The following ARHGAP18 variants were observed in gnomAD, a reference collection of about 807,000 sequenced individuals.
ARHGAP18 encodes Rho GTPase activating protein 18.
Under a neutral mutation model 86.2 loss-of-function variants are expected in ARHGAP18, and 67 were observed. The ratio of observed to expected loss-of-function variants is 0.78; its 90% CI spans 0.64 to 0.95. The LOEUF is 0.95. Among genes scored for constraint, ARHGAP18 ranks in the 40% least tolerant of loss-of-function variants. The pLI is 0.00. For synonymous variants in ARHGAP18, 283 were observed against 280.4 expected, an observed-to-expected ratio of 1.01 and a Z score of -0.09; for missense variants, 691 against 780.4, an observed-to-expected ratio of 0.89 and a Z score of 1.37.
chr6:129,625,609 AT>A (rs1420316240), intron 5 of ARHGAP18, among the ~76,000 whole-genome samples: 3 of 67,434 alleles, frequency 4.4e-5, no homozygotes, highest in African/African-American at 1.7e-4. Flanking sequence ...ATTATATATT[AT>A]TATATATTTA....
At chr6:129,622,981 A>G (rs1689143175) in intron 5 of ARHGAP18, among the ~76,000 whole-genome samples, 2 of 145,410 alleles carry the variant, frequency 1.4e-5, no homozygotes, top group African/African-American at 2.5e-5. Flanking sequence ...AGCCTGGGCA[A>G]CAAGAGTGAA....
chr6:129,607,808 GTTCT>G (rs1490772664), intron 9 of ARHGAP18, 81 bp downstream of exon 9: 7 of 1,399,862 alleles, frequency 5.0e-6, no homozygotes, highest in African/African-American at 1.5e-5. Flanking sequence ...GTCTGGTTGC[GTTCT>G]TTGTGATGCC....
At chr6:129,670,293 T>C (rs1410737853) in intron 1 of ARHGAP18, among the ~76,000 whole-genome samples, 1 of 152,230 alleles carries the variant, frequency 6.6e-6, no homozygotes, top group Non-Finnish European at 1.5e-5. Flanking sequence ...TTCATGGATA[T>C]CTCATTATTT....
At chr6:129,659,607 A>G (rs967054742) in intron 1 of ARHGAP18, among the ~76,000 whole-genome samples, 3 of 152,176 alleles carry the variant, frequency 2.0e-5, no homozygotes, top group Non-Finnish European at 2.9e-5. Context: ...AGCCAGGATT[A>G]CAGGCACTCG....
intron 4 of ARHGAP18, among the ~76,000 whole-genome samples, chr6:129,630,680 C>T (rs1175696715): frequency 6.6e-6 from 1 of 152,122 alleles, no homozygotes. Flanking sequence ...TGAATCTAGT[C>T]TTATTCAGTC....
At chr6:129,701,262 C>A (rs1318116586) in intron 1 of ARHGAP18, among the ~76,000 whole-genome samples, 1 of 152,180 alleles carries the variant, frequency 6.6e-6, no homozygotes. Context: ...GGAAGGGCAT[C>A]ATTACACGAT....
chr6:129,585,709 C>G (rs1380395694), intron 12 of ARHGAP18, among the ~76,000 whole-genome samples: 2 of 152,236 alleles, frequency 1.3e-5, no homozygotes, highest in Non-Finnish European at 2.9e-5. Context: ...ACAAAGCCTT[C>G]CAGGGCCTTA....
chr6:129,620,947 A>T (rs1284597411), intron 5 of ARHGAP18, among the ~76,000 whole-genome samples: 8 of 152,244 alleles, frequency 5.3e-5, no homozygotes, highest in Non-Finnish European at 8.8e-5. Context: ...CGTAAATATG[A>T]TAATCCAGCT....
At chr6:129,583,907 A>G in intron 13 of ARHGAP18, 81 bp downstream of exon 13, 1 of 1,489,660 alleles carries the variant, frequency 6.7e-7, no homozygotes. Flanking sequence ...AAAAAAAAGG[A>G]AGAAGAAGCA....
chr6:129,661,972 C>CCACA (rs5879958), intron 1 of ARHGAP18: 241 of 883,664 alleles, frequency 2.7e-4, no homozygotes, highest in Admixed American at 1.2e-3. Flanking sequence ...CCTGGTGTTG[C>CCACA]CACACACACA....
intron 7 of ARHGAP18, among the ~76,000 whole-genome samples, chr6:129,614,748 ATTTTTTTTTT>A (rs10556070): frequency 1.3e-4 from 17 of 131,552 alleles, no homozygotes; most frequent in African/African-American, 4.8e-4. Context: ...GCAGTGACAG[ATTTTTTTTTT>A]TTTTTTTTTT....
chr6:129,596,529 C>A lies in ARHGAP18; in HGVS notation c.1713+2687G>T, dbSNP rs557523621. ...TACTAACACATTATATGAATTACTT[C>A]CTAGATTTACTTTTATTTTTAGAAT... On this transcript the variant is annotated intron_variant, in intron 12 of 14. Transcript: ENST00000368149. Among the ~76,000 whole-genome samples, 65 of 152,184 alleles carry A rather than the reference C, an allele frequency of 4.3e-4. 1 individual carries two copies. The South Asian group carries it at 0.013, about 30-fold the overall frequency.
In ARHGAP18 at chr6:129,629,533, G is replaced by A. The variant is rs201485537; in HGVS notation, c.617-11C>T. The A allele has an allele frequency of 5.8e-4, 928 of 1,595,302 alleles. 15 individuals are homozygous for A. In the South Asian group the frequency reaches 9.6e-3, roughly 16 times the overall value. On this transcript the variant is annotated splice_polypyrimidine_tract_variant and intron_variant, in intron 4 of 14. Transcript: ENST00000368149. ...GGTTAGATGCCTCGTCTAGGGGCCC[G>A]GGGGGAAAGAACCCAATTCATATGC...
chr6:129,665,609 C>T (rs865881339), intron 1 of ARHGAP18, among the ~76,000 whole-genome samples: 1 of 152,130 alleles, frequency 6.6e-6, no homozygotes, highest in South Asian at 2.1e-4. Context: ...CTTGCCTCCA[C>T]TATGTTCTGC....
intron 1 of ARHGAP18, among the ~76,000 whole-genome samples, chr6:129,682,735 A>G (rs1468915139): frequency 1.3e-5 from 2 of 152,244 alleles, no homozygotes; most frequent in Non-Finnish European, 1.5e-5. Flanking sequence ...AAAGAAAACA[A>G]CATGTTTAAT....
chr6:129,577,032 A>AT lies in ARHGAP18; in HGVS notation c.*1480dup, dbSNP rs961783289. The AT allele has an allele frequency of 2.9e-5, 4 of 138,024 alleles. No individual in the cohort carries two copies. Among genetic ancestry groups the AT allele is most frequent in the African/African-American group, 1.0e-4 (4 of 39,012 alleles). The allele number at this position is 138,024 out of a possible 1,614,324, so 8.5% of individuals were successfully genotyped here. On this transcript the variant is annotated 3_prime_UTR_variant, in exon 15 of 15. Transcript: ENST00000368149. ...CAAAAAAGTCCATTTCTCAATATTA[A>AT]TAAAAAAAAAGCAAAAATACTCATA...
chr6:129,599,137 GA>G, intron 12 of ARHGAP18, 78 bp downstream of exon 12: 1 of 1,221,528 alleles, frequency 8.2e-7, no homozygotes, highest in East Asian at 2.9e-5. Context: ...GTCATACTAT[GA>G]AAACATTAAA....
chr6:129,614,946 C>T (rs1789064093), intron 7 of ARHGAP18, among the ~76,000 whole-genome samples: 1 of 152,156 alleles, frequency 6.6e-6, no homozygotes, highest in Admixed American at 6.5e-5. Context: ...AGTTTGGACT[C>T]AAGATGGTAG....
At position 129,600,718 on chromosome 6, in the gene ARHGAP18, T is replaced by G; in HGVS notation, c.1496A>C (p.Gln499Pro). ...CHALGLKSSE[Q>P]REFVMAAGTA... ...CCCAGCTGCCATTACAAATTCTCGC[T>G]GTTCACTGGACTTCAATCCCAATGC... is the stretch of plus-strand genomic sequence containing the variant. The change falls in exon 11 of 15, where the codon CAG (glutamine) becomes CCG (proline). Residue 499 changes from glutamine (Q) to proline (P), a missense_variant. Gln to Pro is a moderately conservative substitution (Grantham distance 76). Transcript: ENST00000368149. 1 of 1,613,790 alleles carries G rather than the reference T, an allele frequency of 6.2e-7. No individual in the cohort carries two copies.
Sources: allele counts gnomAD v4.1 joint callset (sites outside exome capture counted in the v4.1 genomes callset), GRCh38; gene constraint gnomAD v4.1.1; transcripts MANE v1.5; gene names NCBI Gene and HGNC (gene_info 2026-07-23, HGNC 2026-07-21).